The following TRIM2 variants were observed in gnomAD, a reference collection of about 807,000 sequenced individuals.
The protein encoded by TRIM2 is tripartite motif-containing protein 2.
In TRIM2, 20 loss-of-function variants were observed where a neutral mutation model predicts 75.2. The ratio of observed to expected loss-of-function variants is 0.27; its 90% CI spans 0.19 to 0.39. TRIM2 has a LOEUF of 0.39. Among genes scored for constraint, TRIM2 ranks in the 10% least tolerant of loss-of-function variants. The probability of loss-of-function intolerance (pLI) is 1.00; values close to 1 mark genes in which losing one functional copy is unlikely to be tolerated. For synonymous variants in TRIM2, 373 were observed against 388.3 expected, an observed-to-expected ratio of 0.96 and a Z score of 0.46; for missense variants, 660 against 990.8, an observed-to-expected ratio of 0.67 and a Z score of 4.48.
chr4:153,208,356 A>AGAAGAAATTTGTGTAATTTCTTACAC (rs1736036619), intron 1 of TRIM2, among the ~76,000 whole-genome samples: 7 of 152,176 alleles, frequency 4.6e-5, no homozygotes, highest in Non-Finnish European at 5.9e-5. Context: ...ACTTTACACA[A>AGAAGAAATTTGTGTAATTTCTTACAC]GAAGAAATTT....
At chr4:153,161,284 A>G (rs1284387935) in intron 1 of TRIM2, among the ~76,000 whole-genome samples, 1 of 152,230 alleles carries the variant, frequency 6.6e-6, no homozygotes, top group East Asian at 1.9e-4. Flanking sequence ...AATCAAATAT[A>G]CACAAAAGCT....
chr4:153,241,008 C>T (rs1311892955), intron 1 of TRIM2, among the ~76,000 whole-genome samples: 3 of 152,102 alleles, frequency 2.0e-5, no homozygotes, highest in Non-Finnish European at 4.4e-5. Flanking sequence ...ACCTGGGAGG[C>T]GGAGGTTGCA....
chr4:153,225,610 A>G (rs1053442641), intron 1 of TRIM2, among the ~76,000 whole-genome samples: 1 of 152,204 alleles, frequency 6.6e-6, no homozygotes, highest in African/African-American at 2.4e-5. Flanking sequence ...GTCTTTTGAA[A>G]TGGGTAGTAT....
At chr4:153,246,565 A>T (rs986355524) in intron 1 of TRIM2, among the ~76,000 whole-genome samples, 1 of 152,212 alleles carries the variant, frequency 6.6e-6, no homozygotes, top group Admixed American at 6.5e-5. Context: ...TTCCTTAAGG[A>T]TAGTGACTAT....
Position 153,337,337 on chromosome 4 carries a change from T to C in TRIM2, c.*2371T>C. 1.0e-6 allele frequency: 1 copy of C among 985,864 alleles called. No individual in the cohort carries two copies. Among genetic ancestry groups the C allele is most frequent in the Non-Finnish European group, 1.2e-6 (1 of 829,918 alleles). 61.1% of individuals were successfully genotyped at this position (985,864 alleles called of 1,614,324 possible). A position where few individuals can be genotyped will look rare whatever the true frequency, so the allele number is the denominator to read the frequency against. On this transcript the variant is annotated 3_prime_UTR_variant, in exon 12 of 12. Coordinates refer to ENST00000338700, the MANE Select transcript of TRIM2 (RefSeq NM_015271.5). ...AATTAACTTACAATCTAACCAGCCATCATATCATATCCTATCAGGCTAGAT... is the reference window on the plus strand; with the variant it reads ...AATTAACTTACAATCTAACCAGCCACCATATCATATCCTATCAGGCTAGAT...
chr4:153,185,103 C>G (rs1376954185), intron 1 of TRIM2, among the ~76,000 whole-genome samples: 3 of 152,166 alleles, frequency 2.0e-5, no homozygotes, highest in Non-Finnish European at 4.4e-5. Flanking sequence ...GTGATTTGCC[C>G]TTTGTATTCT....
chr4:153,207,747 C>T (rs1579556629), intron 1 of TRIM2, among the ~76,000 whole-genome samples: 2 of 152,286 alleles, frequency 1.3e-5, no homozygotes, highest in African/African-American at 2.4e-5. Context: ...GGTCTCCATC[C>T]GGGACTGGCC....
At chr4:153,159,032 A>G (rs1729493027) in intron 1 of TRIM2, among the ~76,000 whole-genome samples, 1 of 152,170 alleles carries the variant, frequency 6.6e-6, no homozygotes. Flanking sequence ...TAAATGAACA[A>G]CTGAGCCATT....
chr4:153,192,892 T>C (rs576805251), intron 1 of TRIM2, among the ~76,000 whole-genome samples: 19 of 152,300 alleles, frequency 1.2e-4, no homozygotes, highest in Admixed American at 2.6e-4. Context: ...AAACTGTGAC[T>C]TTCTGGTTCA....
chr4:153,209,073 G>T (rs1397841744), intron 1 of TRIM2, among the ~76,000 whole-genome samples: 3 of 152,334 alleles, frequency 2.0e-5, no homozygotes, highest in Middle Eastern at 3.4e-3. Context: ...CTGAGGTCCA[G>T]CAGCCAAAGA....
At chr4:153,203,877 G>A (rs972233900), upstream of TRIM2, among the ~76,000 whole-genome samples, 4 of 151,342 alleles carry the variant, frequency 2.6e-5, no homozygotes, top group African/African-American at 9.8e-5. Flanking sequence ...GGGCAACAGA[G>A]CGAGACTCCA....
chr4:153,201,541 G>T (rs528615050), upstream of TRIM2, among the ~76,000 whole-genome samples: 3 of 152,000 alleles, frequency 2.0e-5, no homozygotes, highest in Non-Finnish European at 2.9e-5. Flanking sequence ...AGCACAAAAG[G>T]TTTTAATTTT....
At chr4:153,224,510 C>A (rs567161698) in intron 1 of TRIM2, among the ~76,000 whole-genome samples, 156 of 152,292 alleles carry the variant, frequency 1.0e-3, no homozygotes, top group African/African-American at 3.6e-3. Context: ...TTCTTTCTAT[C>A]CTTTTCTGTA....
At position 153,241,705 on chromosome 4, in the gene TRIM2, T is replaced by A. The variant is rs150786705; in HGVS notation, c.31-28630T>A. On this transcript the variant is annotated intron_variant, in intron 1 of 11. Coordinates refer to ENST00000338700, the MANE Select transcript of TRIM2 (RefSeq NM_015271.5). Reference sequence around the variant, plus strand: ...CGTTGCTCATGAAGATCCATTCATTTAGCCATGAACTAAAACAAGGCGGCC... The same window carrying A: ...CGTTGCTCATGAAGATCCATTCATTAAGCCATGAACTAAAACAAGGCGGCC... 1.9e-3 allele frequency among the ~76,000 whole-genome samples: 291 copies of A among 152,302 alleles called. 1 individual carries two copies. The highest frequency in any genetic ancestry group is 7.1e-3 in the Admixed American group (109 of 15,294).
chr4:153,208,116 T>C (rs895363492), intron 1 of TRIM2, among the ~76,000 whole-genome samples: 6 of 152,124 alleles, frequency 3.9e-5, no homozygotes, highest in Non-Finnish European at 7.3e-5. Flanking sequence ...GGCAACATAG[T>C]TAGACTTTGT....
intron 2 of TRIM2, among the ~76,000 whole-genome samples, chr4:153,274,717 T>C (rs182426500): frequency 6.6e-6 from 1 of 152,108 alleles, no homozygotes; most frequent in East Asian, 1.9e-4. Flanking sequence ...ACCATGTGAG[T>C]GTGGTGTCAT....
chr4:153,153,727 A>G (rs1728950870), intron 1 of TRIM2, among the ~76,000 whole-genome samples: 1 of 152,180 alleles, frequency 6.6e-6, no homozygotes, highest in Non-Finnish European at 1.5e-5. Context: ...CCGGTCCTGC[A>G]GGGACACGGG....
chr4:153,242,253 C>G (rs986502012), intron 1 of TRIM2, among the ~76,000 whole-genome samples: 1 of 151,952 alleles, frequency 6.6e-6, no homozygotes, highest in African/African-American at 2.4e-5. Flanking sequence ...AAGGTCACTC[C>G]GAGGATATGC....
At chr4:153,275,836 T>C in intron 2 of TRIM2, 57 bp from the exon 3 acceptor site, 1 of 1,481,024 alleles carries the variant, frequency 6.8e-7, no homozygotes, top group Non-Finnish European at 9.4e-7. Context: ...GTATGGTACC[T>C]GTGAGAAGTG....
Sources: gnomAD v4.1 joint callset for allele counts (sites outside exome capture counted in the v4.1 genomes callset) on GRCh38, gnomAD v4.1.1 for gene constraint, MANE v1.5 for transcripts, NCBI Gene and HGNC (gene_info 2026-07-23, HGNC 2026-07-21) for gene names.